Variants in SCAND3 observed in about 807,000 individuals in gnomAD.
The protein encoded by SCAND3 is SCAN domain containing 3.
the SCAND3 span, chr6:28,587,121 G>A: frequency 5.4e-6 from 1 of 185,194 alleles, no homozygotes; most frequent in Non-Finnish European, 1.1e-5. Context: ...GGGCGGAGAG[G>A]GAGAGGGGCT....
the SCAND3 span, among the ~76,000 whole-genome samples, chr6:28,595,096 C>G: frequency 6.7e-6 from 1 of 149,556 alleles, no homozygotes; most frequent in African/African-American, 2.5e-5. Context: ...AGCGGTAATC[C>G]CACGCCTGCA....
the SCAND3 span, among the ~76,000 whole-genome samples, chr6:28,593,222 T>C: frequency 6.6e-6 from 1 of 151,670 alleles, no homozygotes; most frequent in Non-Finnish European, 1.5e-5. Context: ...AAGAAAACAA[T>C]CAACCTGATT....
the SCAND3 span, among the ~76,000 whole-genome samples, chr6:28,612,151 G>A: frequency 6.6e-6 from 1 of 151,902 alleles, no homozygotes; most frequent in Non-Finnish European, 1.5e-5. Context: ...ATTCTCCTGA[G>A]TAGCATCCTG....
At chr6:28,580,881 G>A in the SCAND3 span, among the ~76,000 whole-genome samples, 1 of 145,058 alleles carries the variant, frequency 6.9e-6, no homozygotes, top group Non-Finnish European at 1.5e-5. Flanking sequence ...AAATGGGTGG[G>A]CCTGGTCTTA....
At chr6:28,572,907 A>G in the SCAND3 span, 1 of 1,614,032 alleles carries the variant, frequency 6.2e-7, no homozygotes, top group Non-Finnish European at 8.5e-7. This position sits in a 1 kb window ranked among gnomAD's most constrained non-coding sequence, Gnocchi z 4.1. Context: ...GTGTTGTTTT[A>G]CATTCTGGCG....
the SCAND3 span, chr6:28,571,474 C>T: frequency 3.8e-5 from 6 of 158,220 alleles, no homozygotes; most frequent in Non-Finnish European, 5.5e-5. Context: ...AACTTCATAC[C>T]CTACTGACCT....
the SCAND3 span, among the ~76,000 whole-genome samples, chr6:28,598,678 C>CT: frequency 5.3e-5 from 7 of 131,256 alleles, no homozygotes; most frequent in Non-Finnish European, 1.0e-4. Flanking sequence ...AACCCTGTTT[C>CT]TACTAAAAAT....
At chr6:28,611,888 T>C in the SCAND3 span, among the ~76,000 whole-genome samples, 31 of 152,338 alleles carry the variant, frequency 2.0e-4, 1 homozygote, top group Middle Eastern at 3.4e-3. Flanking sequence ...AATTTAAAAG[T>C]GTCTTCTAAA....
the SCAND3 span, chr6:28,597,982 C>G: frequency 6.6e-6 from 1 of 152,186 alleles, no homozygotes; most frequent in African/African-American, 2.4e-5. Flanking sequence ...AGATATGCAG[C>G]AATGGGTCAA....
chr6:28,614,211 G>A, the SCAND3 span, among the ~76,000 whole-genome samples: 26 of 152,044 alleles, frequency 1.7e-4, no homozygotes, highest in South Asian at 4.2e-4. Flanking sequence ...TGATCCACCC[G>A]CCTCGGCCTC....
chr6:28,613,973 T>A, the SCAND3 span, among the ~76,000 whole-genome samples: 3 of 152,040 alleles, frequency 2.0e-5, no homozygotes. Context: ...TTTTCTTTTT[T>A]TTTTTTTTAG....
the SCAND3 span, among the ~76,000 whole-genome samples, chr6:28,612,068 ACT>A: frequency 6.7e-6 from 1 of 149,932 alleles, no homozygotes; most frequent in African/African-American, 2.5e-5. Flanking sequence ...ATGGAGTCTC[ACT>A]CTGTTTCCCA....
chr6:28,575,019 T>C, the SCAND3 span: 2 of 1,614,124 alleles, frequency 1.2e-6, no homozygotes, highest in Non-Finnish European at 1.7e-6. This position sits in a 1 kb window ranked among gnomAD's most constrained non-coding sequence, Gnocchi z 4.2. Context: ...CATACTGGGC[T>C]CTTAAAGTAT....
the SCAND3 span, among the ~76,000 whole-genome samples, chr6:28,585,769 A>T: frequency 1.3e-5 from 2 of 152,236 alleles, no homozygotes; most frequent in Admixed American, 6.5e-5. Context: ...CTCCTTTAGA[A>T]ACAACTCCAC....
At chr6:28,572,258 G>A in the SCAND3 span, 3 of 1,612,506 alleles carry the variant, frequency 1.9e-6, no homozygotes, top group Non-Finnish European at 2.5e-6. This position sits in a 1 kb window ranked among gnomAD's most constrained non-coding sequence, Gnocchi z 4.1. Flanking sequence ...TTTGATGAAA[G>A]AAATGGATTT....
the SCAND3 span, among the ~76,000 whole-genome samples, chr6:28,577,027 G>T: frequency 6.6e-6 from 1 of 152,020 alleles, no homozygotes; most frequent in Non-Finnish European, 1.5e-5. Flanking sequence ...AACATTTGAG[G>T]AGTAAGTTCC....
chr6:28,607,519 GT>G, the SCAND3 span, among the ~76,000 whole-genome samples: 24 of 149,406 alleles, frequency 1.6e-4, no homozygotes, highest in Admixed American at 4.6e-4. Context: ...TTTATTCACT[GT>G]TTTTTTTTTC....
chr6:28,580,846 C>T, the SCAND3 span, among the ~76,000 whole-genome samples: 13 of 137,362 alleles, frequency 9.5e-5, no homozygotes, highest in Non-Finnish European at 1.5e-5. Context: ...GATTCCTCTA[C>T]TTTTCCACCA....
the SCAND3 span, chr6:28,575,380 A>G: frequency 6.2e-7 from 1 of 1,614,014 alleles, no homozygotes; most frequent in East Asian, 2.2e-5. This position sits in a 1 kb window ranked among gnomAD's most constrained non-coding sequence, Gnocchi z 4.2. Flanking sequence ...CTGGCTTGAA[A>G]ATTCCCTCCC....
Sources: allele counts gnomAD v4.1 joint callset (sites outside exome capture counted in the v4.1 genomes callset), GRCh38; gene constraint gnomAD v4.1.1; non-coding constraint Gnocchi (gnomAD v3.1); transcripts MANE v1.5; gene names NCBI Gene and HGNC (gene_info 2026-07-23, HGNC 2026-07-21).